CSMD1: variants seen among roughly 807,000 people sequenced by gnomAD.
CSMD1 encodes CUB and Sushi multiple domains 1.
Under a neutral mutation model 417.5 loss-of-function variants are expected in CSMD1, and 213 were observed. That is an observed-to-expected ratio of 0.51 (90% CI 0.46 to 0.57). The LOEUF (loss-of-function observed/expected upper bound fraction) is 0.57, where lower values mean the gene tolerates loss of function less well. CSMD1 is among the 20% of genes least tolerant of loss of function. The pLI is 0.00. For missense variants in CSMD1, 6,923 were observed against 4,529.7 expected (o/e 1.53, Z -15.17); for synonymous variants, 2,862 against 1,736.8 (o/e 1.65, Z -16.11).
chr8:4,074,252 A>T (rs1799707316), intron 3 of CSMD1, among the ~76,000 whole-genome samples: 1 of 152,096 alleles, frequency 6.6e-6, no homozygotes, highest in African/African-American at 2.4e-5. Context: ...AAGCAAAAAC[A>T]AATTGTTTCA....
At chr8:3,085,274 G>A (rs984118178) in intron 49 of CSMD1, among the ~76,000 whole-genome samples, 1 of 152,206 alleles carries the variant, frequency 6.6e-6, no homozygotes. Flanking sequence ...AGGTCAAAAT[G>A]CATGAAGAAA....
At chr8:3,451,597 G>C (rs1358664959) in intron 12 of CSMD1, among the ~76,000 whole-genome samples, 1 of 152,060 alleles carries the variant, frequency 6.6e-6, no homozygotes, top group Non-Finnish European at 1.5e-5. Context: ...TCCTGTTTTT[G>C]TCAGGTTTGT....
intron 1 of CSMD1, among the ~76,000 whole-genome samples, chr8:4,833,904 T>G (rs780797329): frequency 3.3e-5 from 5 of 152,154 alleles, no homozygotes; most frequent in Non-Finnish European, 5.9e-5. Context: ...GTCACTTGGA[T>G]TGGTGTTCAC....
At chr8:4,920,746 C>A (rs1191538407) in intron 1 of CSMD1, among the ~76,000 whole-genome samples, 1 of 151,546 alleles carries the variant, frequency 6.6e-6, no homozygotes, top group Non-Finnish European at 1.5e-5. Context: ...TCACTTGAAC[C>A]CAGGAGGCAG....
At chr8:4,359,745 C>G (rs1396829160) in intron 3 of CSMD1, among the ~76,000 whole-genome samples, 1 of 152,180 alleles carries the variant, frequency 6.6e-6, no homozygotes, top group Non-Finnish European at 1.5e-5. Context: ...CCCACTTCTA[C>G]ATTCATTCCA....
intron 5 of CSMD1, among the ~76,000 whole-genome samples, chr8:3,811,721 G>A (rs545314701): frequency 2.6e-5 from 4 of 152,008 alleles, no homozygotes; most frequent in Non-Finnish European, 5.9e-5. Context: ...TTGTGAAAGC[G>A]GATTTCACAA....
At chr8:3,513,474 T>C (rs556641183) in intron 10 of CSMD1, among the ~76,000 whole-genome samples, 1 of 152,136 alleles carries the variant, frequency 6.6e-6, no homozygotes, top group African/African-American at 2.4e-5. Context: ...TACAGGCCTG[T>C]TGTGGGATCT....
intron 5 of CSMD1, among the ~76,000 whole-genome samples, chr8:3,873,576 G>C (rs1024707611): frequency 1.3e-5 from 2 of 152,056 alleles, no homozygotes; most frequent in East Asian, 3.9e-4. Flanking sequence ...GGAGGAGGGA[G>C]AGCATCAGCA....
At position 4,033,179 on chromosome 8, in the gene CSMD1, G is replaced by A. The variant is rs375005721; in HGVS notation, c.416-1080C>T. On this transcript the variant is annotated intron_variant, in intron 3 of 69. Transcript: ENST00000635120. ...AACCTGGCCAGGCACGGTAGCTCAC[G>A]CCTGTAGTCCCAGCACTTTGGGAGG... is the stretch of plus-strand genomic sequence containing the variant. Among the ~76,000 whole-genome samples the A allele has an allele frequency of 3.2e-3, 438 of 136,388 alleles. 2 individuals carry two copies. The highest frequency in any genetic ancestry group is 0.01 in the African/African-American group (379 of 36,730). 89.5% of individuals were successfully genotyped at this position (136,388 alleles called of 152,430 possible). A position where few individuals can be genotyped will look rare whatever the true frequency, so the allele number is the denominator to read the frequency against.
At chr8:4,836,031 T>C (rs899338573) in intron 1 of CSMD1, among the ~76,000 whole-genome samples, 1 of 152,154 alleles carries the variant, frequency 6.6e-6, no homozygotes, top group East Asian at 1.9e-4. Context: ...TAAATAGAGA[T>C]GGTTTCTGCC....
At position 3,396,667 on chromosome 8, in the gene CSMD1, G is replaced by C. The variant is rs192182133; in HGVS notation, c.2406-286C>G. Among the ~76,000 whole-genome samples, 5 of 152,110 alleles carry C rather than the reference G, an allele frequency of 3.3e-5. No individual in the cohort carries two copies. In the East Asian group the frequency reaches 9.7e-4, roughly 29 times the overall value. On this transcript the variant is annotated intron_variant, in intron 16 of 69. Transcript: ENST00000635120. ...GCTTAAACAAAAATACTATGAACCA[G>C]ATTAGTTTTCTTAGATGATAGATTG...
chr8:4,731,178 A>G (rs1809838832), intron 1 of CSMD1, among the ~76,000 whole-genome samples: 1 of 152,300 alleles, frequency 6.6e-6, no homozygotes, highest in South Asian at 2.1e-4. Context: ...ACTGAAAGTT[A>G]AAGAGAAATT....
At chr8:3,855,741 A>G (rs561915510) in intron 5 of CSMD1, among the ~76,000 whole-genome samples, 1 of 152,336 alleles carries the variant, frequency 6.6e-6, no homozygotes, top group Admixed American at 6.5e-5. Context: ...TTCATGGGTC[A>G]TGCGATGTGA....
intron 49 of CSMD1, among the ~76,000 whole-genome samples, chr8:3,078,503 T>C (rs1269956928): frequency 6.6e-6 from 1 of 152,244 alleles, no homozygotes; most frequent in African/African-American, 2.4e-5. Flanking sequence ...CGTTGGACTC[T>C]GCGTTTCAGT....
At chr8:4,363,678 G>T (rs1017250390) in intron 3 of CSMD1, among the ~76,000 whole-genome samples, 1 of 152,054 alleles carries the variant, frequency 6.6e-6, no homozygotes, top group Non-Finnish European at 1.5e-5. Flanking sequence ...GCATTACATC[G>T]CTCTGTGCCT....
At chr8:3,439,309 A>ATATATATATATATATATTTT in intron 12 of CSMD1, among the ~76,000 whole-genome samples, 101 of 62,348 alleles carry the variant, frequency 1.6e-3, no homozygotes, top group Non-Finnish European at 1.8e-3. Flanking sequence ...ATATATATAT[A>ATATATATATATATATATTTT]TTTTTTTTTT....
At chr8:4,307,279 C>T (rs904940132) in intron 3 of CSMD1, among the ~76,000 whole-genome samples, 1 of 152,078 alleles carries the variant, frequency 6.6e-6, no homozygotes, top group Non-Finnish European at 1.5e-5. Context: ...GTTGATATCT[C>T]TCACATATAT....
At chr8:4,695,810 C>G (rs1282704116) in intron 1 of CSMD1, among the ~76,000 whole-genome samples, 1 of 152,120 alleles carries the variant, frequency 6.6e-6, no homozygotes, top group Admixed American at 6.5e-5. Flanking sequence ...ATATTTTTAC[C>G]TGGGCAATTT....
At chr8:3,894,617 T>C (rs1389233036) in intron 5 of CSMD1, among the ~76,000 whole-genome samples, 2 of 152,164 alleles carry the variant, frequency 1.3e-5, no homozygotes, top group African/African-American at 4.8e-5. Flanking sequence ...AGAAAATAAA[T>C]GCTCAGTGCT....
Sources: gnomAD v4.1 joint callset for allele counts (sites outside exome capture counted in the v4.1 genomes callset) on GRCh38, gnomAD v4.1.1 for gene constraint, MANE v1.5 for transcripts, NCBI Gene and HGNC (gene_info 2026-07-23, HGNC 2026-07-21) for gene names.